The following TPM4 variants were observed in gnomAD, a reference collection of about 807,000 sequenced individuals.
The protein encoded by TPM4 is tropomyosin alpha-4 chain.
TPM4 carries 17 observed loss-of-function variants against 35.8 expected under a neutral mutation model. The observed-to-expected ratio is 0.47, with a 90% CI of 0.32 to 0.71. The LOEUF is 0.71. Among genes scored for constraint, TPM4 ranks in the 30% least tolerant of loss-of-function variants. TPM4 has a pLI of 0.03. For missense variants in TPM4, 240 were observed against 320.9 expected (o/e 0.75, Z 1.93); for synonymous variants, 120 against 122.9 (o/e 0.98, Z 0.15).
rs539540800 is a variant in TPM4, at chr19:16,069,817, GGTGA to G, written c.114+2083_114+2086del. ...GTGAATGAGTGTGTGTTTCTGTCGG[GGTGA>G]GTGTGTGTGTCAGTGACTGTTTCTG... is the stretch of plus-strand genomic sequence containing the variant. On this transcript the variant is annotated intron_variant, in intron 2 of 2. Transcript: ENST00000589897. Among the ~76,000 whole-genome samples the G allele has an allele frequency of 2.6e-4, 39 of 152,008 alleles. 1 individual carries two copies. The South Asian group carries it at 7.3e-3, about 28-fold the overall frequency.
In TPM4 at chr19:16,100,999, A is replaced by C; in HGVS notation, c.665-265A>C. On this transcript the variant is annotated intron_variant, in intron 7 of 7. Coordinates refer to ENST00000643579, the MANE Select transcript of TPM4 (RefSeq NM_003290.3). ...AGCCTGGCTAACATGGTGAAACCCCATCTCTACTAAAAATACAAAAATTAG... is the reference window on the plus strand; with the variant it reads ...AGCCTGGCTAACATGGTGAAACCCCCTCTCTACTAAAAATACAAAAATTAG... 3 of 282,250 alleles carry C rather than the reference A, an allele frequency of 1.1e-5. No homozygotes were observed. The South Asian group carries it at 1.2e-4, about 11-fold the overall frequency. The allele number at this position is 282,250 out of a possible 1,614,324, so 17.5% of individuals were successfully genotyped here.
intron 5 of TPM4, among the ~76,000 whole-genome samples, chr19:16,090,537 G>A (rs972500630): frequency 6.6e-6 from 1 of 151,840 alleles, no homozygotes; most frequent in Non-Finnish European, 1.5e-5. Context: ...TACTTTGGGA[G>A]GCCGCCGAGC....
chr19:16,102,686 C>T lies in TPM4; in HGVS notation c.*1340C>T. ...GAAGGATTCTGTAGACAGGGCTGCA[C>T]GTATCGGCTTTGTTTGACTTCTCTT... is the stretch of plus-strand genomic sequence containing the variant. On this transcript the variant is annotated 3_prime_UTR_variant, in exon 8 of 8. Coordinates refer to ENST00000643579, the MANE Select transcript of TPM4 (RefSeq NM_003290.3). The T allele has an allele frequency of 8.7e-6, 2 of 229,412 alleles. No homozygotes were observed. The highest frequency in any genetic ancestry group is 1.7e-5 in the Non-Finnish European group (2 of 115,654). 14.2% of individuals were successfully genotyped at this position (229,412 alleles called of 1,614,324 possible).
Position 16,101,378 on chromosome 19 carries a change from C to T in TPM4, c.*32C>T, listed in dbSNP as rs762376164. On this transcript the variant is annotated 3_prime_UTR_variant, in exon 8 of 8. Coordinates refer to ENST00000643579, the MANE Select transcript of TPM4 (RefSeq NM_003290.3). ...CAGAAGAGTCTTGTTCCAACAGAAA[C>T]TCTGGAGCTCCGTGGGTCTTTCTCT... 13 of 1,510,888 alleles carry T rather than the reference C, an allele frequency of 8.6e-6. No individual in the cohort carries two copies. The African/African-American group carries it at 1.3e-4, about 15-fold the overall frequency. The allele number at this position is 1,510,888 out of a possible 1,614,324, so 93.6% of individuals were successfully genotyped here. A position where few individuals can be genotyped will look rare whatever the true frequency, so the allele number is the denominator to read the frequency against.
chr19:16,089,561 A>G (rs972213578), intron 5 of TPM4, among the ~76,000 whole-genome samples: 3 of 151,974 alleles, frequency 2.0e-5, no homozygotes, highest in African/African-American at 7.3e-5. Context: ...CAAAGGACAC[A>G]CTTCCACGGC....
chr19:16,088,879 A>G, intron 4 of TPM4, 166 bp from the exon 5 acceptor site: 2 of 1,439,594 alleles, frequency 1.4e-6, no homozygotes, highest in Non-Finnish European at 1.8e-6. Context: ...AGCCCATAGT[A>G]TCACACTGCA....
chr19:16,076,287 C>G (rs1415959699), upstream of TPM4: 5 of 1,519,776 alleles, frequency 3.3e-6, no homozygotes, highest in Admixed American at 7.5e-5. Flanking sequence ...GGCGGCGCCT[C>G]CCAGCGCTTT....
At chr19:16,069,729 A>T (rs67269649) in intron 2 of TPM4, among the ~76,000 whole-genome samples, 18,843 of 106,822 alleles carry the variant, frequency 0.18, 2,002 homozygotes, top group East Asian at 0.5. Context: ...TGCGTGTATG[A>T]GTGTGTTTCT....
At chr19:16,083,983 C>G (rs542212284) in intron 2 of TPM4, among the ~76,000 whole-genome samples, 99 of 152,128 alleles carry the variant, frequency 6.5e-4, no homozygotes, top group African/African-American at 2.2e-3. Context: ...CTGGAGTGCA[C>G]TGGCGTGATC....
intron 5 of TPM4, chr19:16,092,969 C>T (rs1376191220): frequency 6.3e-6 from 1 of 159,876 alleles, no homozygotes; most frequent in Non-Finnish European, 1.4e-5. Flanking sequence ...ATCTTCCCTC[C>T]TCAGCGTCCC....
At chr19:16,073,960 A>AAAAC (rs1568298129), upstream of TPM4, among the ~76,000 whole-genome samples, 3 of 105,934 alleles carry the variant, frequency 2.8e-5, no homozygotes, top group Non-Finnish European at 5.8e-5. Context: ...AAAAAAAAAA[A>AAAAC]CGCAAAAAAA....
intron 7 of TPM4, among the ~76,000 whole-genome samples, chr19:16,094,270 A>G (rs1477553559): frequency 6.6e-6 from 1 of 152,200 alleles, no homozygotes; most frequent in Admixed American, 6.5e-5. Flanking sequence ...GCAGTGGCTC[A>G]AGCCTGTAAT....
At chr19:16,069,474 G>A (rs997007512) in intron 2 of TPM4, among the ~76,000 whole-genome samples, 1 of 73,696 alleles carries the variant, frequency 1.4e-5, no homozygotes, top group Admixed American at 1.7e-4. Flanking sequence ...AATGTGTATG[G>A]ATGAGTGTGT....
chr19:16,078,550 C>G (rs996517964), intron 1 of TPM4, among the ~76,000 whole-genome samples: 1 of 152,210 alleles, frequency 6.6e-6, no homozygotes, highest in African/African-American at 2.4e-5. Flanking sequence ...AATCGGTAGC[C>G]GGTCTGGCCT....
rs1049124707 is a variant in TPM4, at chr19:16,088,899, A to G, written c.456-146A>G. The G allele has an allele frequency of 2.0e-6, 3 of 1,465,634 alleles. No homozygotes were observed. In the African/African-American group the frequency reaches 4.3e-5, roughly 21 times the overall value. The allele number at this position is 1,465,634 out of a possible 1,614,324, so 90.8% of individuals were successfully genotyped here. On this transcript the variant is annotated intron_variant, in intron 4 of 7. Transcript: ENST00000643579. ...ATAGTATCACACTGCAGAAAAATCCATTAACATTTTCTCCCCACATTCCTT... is the reference window on the plus strand; with the variant it reads ...ATAGTATCACACTGCAGAAAAATCCGTTAACATTTTCTCCCCACATTCCTT...
At chr19:16,069,729 AGTGT>A (rs2090337664) in intron 2 of TPM4, among the ~76,000 whole-genome samples, 1 of 106,852 alleles carries the variant, frequency 9.4e-6, no homozygotes, top group South Asian at 2.8e-4. Flanking sequence ...TGCGTGTATG[AGTGT>A]GTTTCTATTG....
In TPM4 at chr19:16,093,681, T is replaced by C. The variant is rs777980027; in HGVS notation, c.595-3T>C. On this transcript the variant is annotated splice_polypyrimidine_tract_variant and splice_region_variant and intron_variant, in intron 6 of 7. Coordinates refer to ENST00000643579, the MANE Select transcript of TPM4 (RefSeq NM_003290.3). ...TGATAGTAACTCCTTTCTTCTTATC[T>C]AGGCTGAGACCCGTGCTGAATTTGC... 3 of 1,614,210 alleles carry C rather than the reference T, an allele frequency of 1.9e-6. No homozygotes were observed. The Admixed American group carries it at 5.0e-5, about 27-fold the overall frequency.
chr19:16,075,902 A>G (rs1599361619), upstream of TPM4: 26 of 1,201,254 alleles, frequency 2.2e-5, no homozygotes, highest in South Asian at 3.4e-4. Flanking sequence ...GGTGCATGCT[A>G]TCGCAACCCC....
chr19:16,076,489 G>C, upstream of TPM4: 1 of 1,333,022 alleles, frequency 7.5e-7, no homozygotes, highest in Non-Finnish European at 9.5e-7. Flanking sequence ...GGGCCGGGGC[G>C]CGGCTGTGCA....
Sources: gnomAD v4.1 joint callset for allele counts (sites outside exome capture counted in the v4.1 genomes callset) on GRCh38, gnomAD v4.1.1 for gene constraint, MANE v1.5 for transcripts, NCBI Gene and HGNC (gene_info 2026-07-23, HGNC 2026-07-21) for gene names.